Variants in SDK2 observed in about 807,000 individuals in gnomAD.
The protein encoded by SDK2 is protein sidekick-2.
In SDK2, 105 loss-of-function variants were observed where a neutral mutation model predicts 253.9. The observed-to-expected ratio is 0.41, with a 90% CI of 0.35 to 0.49. The LOEUF (loss-of-function observed/expected upper bound fraction) is 0.49. SDK2 is among the 20% of genes least tolerant of loss of function. The pLI, the probability that SDK2 is intolerant of heterozygous loss-of-function variation, is 0.06. For synonymous variants in SDK2, 1,249 were observed against 1,234.9 expected (o/e 1.01, Z -0.24); for missense variants, 2,608 against 3,003.0 (o/e 0.87, Z 3.07).
Position 73,643,988 on chromosome 17 carries a change from G to A in SDK2, c.64+37C>T, listed in dbSNP as rs1359272714. ...CGCCCCTCCCCCGCCCACTCTCCCA[G>A]CCCCCTCCCTGTCCCCACGTGGGGG... On this transcript the variant is annotated intron_variant, in intron 1 of 44. Transcript: ENST00000392650. The surrounding 1 kb of genome is among the most constrained non-coding windows in gnomAD (Gnocchi z 6.9). 32 of 522,438 alleles carry A rather than the reference G, an allele frequency of 6.1e-5. No homozygotes were observed. The highest frequency in any genetic ancestry group is 6.4e-4 in the Middle Eastern group (1 of 1,560). 32.4% of individuals were successfully genotyped at this position (522,438 alleles called of 1,614,324 possible).
At chr17:73,489,311 T>C (rs1205858218) in intron 2 of SDK2, among the ~76,000 whole-genome samples, 1 of 152,172 alleles carries the variant, frequency 6.6e-6, no homozygotes, top group Non-Finnish European at 1.5e-5. Context: ...ACATCAGGTC[T>C]TTCAGCATCT....
rs1950301833 is a variant in SDK2 at position 73,385,763 on chromosome 17, C to T, written c.4569+84G>A. 3.9e-6 allele frequency: 5 copies of T among 1,294,898 alleles called. No individual in the cohort carries two copies. In the Admixed American group the frequency reaches 9.9e-5, roughly 26 times the overall value. 80.2% of individuals were successfully genotyped at this position (1,294,898 alleles called of 1,614,324 possible). A position where few individuals can be genotyped will look rare whatever the true frequency, so the allele number is the denominator to read the frequency against. ...CAGAGAACTTGGGGGCTCCACGCAG[C>T]CCTGGTGGGGACTGCTGGCTTTCCA... is the stretch of plus-strand genomic sequence containing the variant. On this transcript the variant is annotated intron_variant, in intron 32 of 44. Coordinates refer to ENST00000392650, the MANE Select transcript of SDK2 (RefSeq NM_001144952.2).
At chr17:73,603,439 A>G (rs2045867972) in intron 1 of SDK2, among the ~76,000 whole-genome samples, 1 of 152,206 alleles carries the variant, frequency 6.6e-6, no homozygotes. Context: ...CACACTGATA[A>G]GTTGGAGAGA....
chr17:73,431,754 C>T lies in SDK2; in HGVS notation c.1313-85G>A, dbSNP rs1186657252. On this transcript the variant is annotated intron_variant, in intron 10 of 44. Transcript: ENST00000392650. The surrounding 1 kb of genome is among the most constrained non-coding windows in gnomAD (Gnocchi z 5.6). ...CCTGGCCGCTCCAGGGCAGCATGGT[C>T]CCCCCACAGGCCCCTGGCTCTGGAA... 25 of 1,346,622 alleles carry T rather than the reference C, an allele frequency of 1.9e-5. No individual in the cohort carries two copies. Among genetic ancestry groups the T allele is most frequent in the South Asian group, 1.8e-4 (12 of 67,296 alleles). The allele number at this position is 1,346,622 out of a possible 1,614,324, so 83.4% of individuals were successfully genotyped here.
intron 1 of SDK2, among the ~76,000 whole-genome samples, chr17:73,592,877 C>A (rs557695789): frequency 6.6e-5 from 10 of 152,122 alleles, no homozygotes; most frequent in African/African-American, 2.2e-4. Flanking sequence ...GCCACATGCC[C>A]GTCTCCCAAG....
intron 40 of SDK2, among the ~76,000 whole-genome samples, chr17:73,354,769 C>T (rs1184727683): frequency 6.8e-6 from 1 of 147,998 alleles, no homozygotes; most frequent in African/African-American, 2.5e-5. Flanking sequence ...CAGTCTCTCA[C>T]ATGCAGGGCC....
intron 29 of SDK2, among the ~76,000 whole-genome samples, chr17:73,388,325 C>G (rs2062891813): frequency 6.6e-6 from 1 of 152,184 alleles, no homozygotes; most frequent in South Asian, 2.1e-4. Context: ...GTGACAAACA[C>G]CCACCCAGCT....
intron 1 of SDK2, among the ~76,000 whole-genome samples, chr17:73,523,112 C>G (rs2145789344): frequency 6.6e-6 from 1 of 152,284 alleles, no homozygotes; most frequent in Non-Finnish European, 1.5e-5. Flanking sequence ...GATTTTGATA[C>G]CAAGTCACTC....
chr17:73,400,572 G>A (rs766685518), intron 21 of SDK2, among the ~76,000 whole-genome samples: 4 of 152,192 alleles, frequency 2.6e-5, no homozygotes, highest in South Asian at 2.1e-4. Flanking sequence ...CGCCTGCTCT[G>A]AGGGGACCCA....
intron 15 of SDK2, among the ~76,000 whole-genome samples, chr17:73,421,573 C>CTTTTTTTTT (rs36068491): frequency 4.4e-5 from 4 of 90,772 alleles, no homozygotes; most frequent in Non-Finnish European, 7.9e-5. Context: ...CAATTTCCAT[C>CTTTTTTTTT]TTTTTTTTTT....
At chr17:73,356,972 G>A (rs897642708) in intron 40 of SDK2, among the ~76,000 whole-genome samples, 25 of 152,192 alleles carry the variant, frequency 1.6e-4, no homozygotes, top group African/African-American at 5.8e-4. Flanking sequence ...GAATAAACAG[G>A]TGCAGGCCCT....
chr17:73,394,415 G>T, intron 25 of SDK2, 91 bp from the exon 26 acceptor site: 2 of 716,814 alleles, frequency 2.8e-6, no homozygotes, highest in Non-Finnish European at 4.1e-6. Flanking sequence ...CGAGGGAGGG[G>T]CCAGCTCGAT....
intron 1 of SDK2, among the ~76,000 whole-genome samples, chr17:73,552,674 G>A (rs1019783855): frequency 1.3e-5 from 2 of 152,186 alleles, no homozygotes; most frequent in Non-Finnish European, 2.9e-5. Flanking sequence ...GGCAGGATAC[G>A]GGGGAACAGG....
chr17:73,599,830 C>T (rs1374856917), intron 1 of SDK2, among the ~76,000 whole-genome samples: 1 of 152,210 alleles, frequency 6.6e-6, no homozygotes, highest in Non-Finnish European at 1.5e-5. Context: ...AGCCAGTGGT[C>T]TCTGACACAG....
At chr17:73,506,738 C>T (rs2063938787) in intron 2 of SDK2, among the ~76,000 whole-genome samples, 1 of 152,236 alleles carries the variant, frequency 6.6e-6, no homozygotes, top group African/African-American at 2.4e-5. Flanking sequence ...GTGCCTGCCC[C>T]AGTCTGTGGC....
intron 1 of SDK2, among the ~76,000 whole-genome samples, chr17:73,567,978 GAAAA>G (rs1225947005): frequency 6.6e-6 from 1 of 152,034 alleles, no homozygotes. Flanking sequence ...AGGACTATTG[GAAAA>G]AAATGATTAT....
chr17:73,370,122 T>C lies in SDK2; in HGVS notation c.4981-1529A>G, dbSNP rs375804368. Among the ~76,000 whole-genome samples the C allele has an allele frequency of 1.6e-4, 25 of 152,336 alleles. No individual in the cohort carries two copies. In the East Asian group the frequency reaches 1.7e-3, roughly 11 times the overall value. The stretch of plus-strand genomic sequence containing the variant: ...CCGGCTTTTCAATTTCTCATTTCCC[T>C]GGAGGAAGCCCATAAAGTGAGAAAG... On this transcript the variant is annotated intron_variant, in intron 36 of 44. Coordinates refer to ENST00000392650, the MANE Select transcript of SDK2 (RefSeq NM_001144952.2).
At position 73,639,471 on chromosome 17, in the gene SDK2, C is replaced by T. The variant is rs1231434514; in HGVS notation, c.64+4554G>A. 6.6e-6 allele frequency among the ~76,000 whole-genome samples: 1 copy of T among 152,206 alleles called. No individual in the cohort carries two copies. The highest frequency in any genetic ancestry group is 1.5e-5 in the Non-Finnish European group (1 of 68,038). On this transcript the variant is annotated intron_variant, in intron 1 of 44. Transcript: ENST00000392650. This position sits in a 1 kb window ranked among gnomAD's most constrained non-coding sequence, Gnocchi z 4.3. ...GCACCCGGGGTGTCTCGGCAACCAG[C>T]TTGTTTTCCTTTCCATTACAGGCAG...
At chr17:73,362,823 T>C (rs917719427) in intron 38 of SDK2, among the ~76,000 whole-genome samples, 1 of 152,252 alleles carries the variant, frequency 6.6e-6, no homozygotes, top group African/African-American at 2.4e-5. Context: ...TACTCCTGAC[T>C]GCCAGCCTCC....
Sources: gnomAD v4.1 joint callset for allele counts (sites outside exome capture counted in the v4.1 genomes callset) on GRCh38, gnomAD v4.1.1 for gene constraint, Gnocchi (gnomAD v3.1) non-coding constraint, MANE v1.5 for transcripts, NCBI Gene and HGNC (gene_info 2026-07-23, HGNC 2026-07-21) for gene names.